PPIE: variants seen among roughly 807,000 people sequenced by gnomAD.
PPIE encodes the protein peptidylprolyl isomerase E, also known as peptidyl-prolyl cis-trans isomerase E.
A neutral mutation model predicts 38.4 loss-of-function variants in PPIE; 20 were observed. The ratio of observed to expected loss-of-function variants is 0.52; its 90% CI spans 0.37 to 0.76. The LOEUF is 0.76. PPIE is among the 30% of genes least tolerant of loss of function. PPIE has a pLI of 0.00. For synonymous variants in PPIE, 142 were observed against 135.7 expected (o/e 1.05, Z -0.32); for missense variants, 322 against 385.8 (o/e 0.83, Z 1.39).
intron 3 of PPIE, 182 bp from the exon 4 acceptor site, chr1:39,741,713 A>G (rs560118851): frequency 9.9e-5 from 66 of 669,854 alleles, no homozygotes; most frequent in South Asian, 9.2e-4. Context: ...CTAGATGGCA[A>G]ATTGTTGCAC....
At chr1:39,751,318 C>T (rs1251389298) in intron 8 of PPIE, among the ~76,000 whole-genome samples, 1 of 152,200 alleles carries the variant, frequency 6.6e-6, no homozygotes, top group Admixed American at 6.5e-5. Context: ...ACATTTTTTA[C>T]CTATACCAAT....
rs774886875 is a variant in PPIE at position 39,738,918 on chromosome 1, C to G, written c.18C>G (p.Arg6=). 4 of 1,500,054 alleles carry G rather than the reference C, an allele frequency of 2.7e-6. No individual in the cohort carries two copies. The highest frequency in any genetic ancestry group is 2.7e-6 in the Non-Finnish European group (3 of 1,125,982). 92.9% of individuals were successfully genotyped at this position (1,500,054 alleles called of 1,614,324 possible). Residue 6 remains arginine (R), a synonymous_variant, in exon 1 of 10, where the codon CGC becomes CGG. Coordinates refer to ENST00000324379, the MANE Select transcript of PPIE (RefSeq NM_006112.4). The part of the protein sequence containing the change: MATTK[R]VLYVGGLAEE... ...CGAGCAAGATGGCCACCACCAAGCG[C>G]GTCTTGTACGTGGGTGAGCAGGAGG...
In PPIE at chr1:39,754,807, A is replaced by G. The variant is rs993183339; in HGVS notation, c.*1452A>G. On this transcript the variant is annotated 3_prime_UTR_variant, in exon 10 of 10. Transcript: ENST00000324379. ...TGGGAGGTTGAGGCTGCAGTCAGCC[A>G]TGGTCATGCCACTGTACTCCAGCCT... Among the ~76,000 whole-genome samples the G allele has an allele frequency of 2.0e-5, 3 of 152,212 alleles. No individual in the cohort carries two copies. Among genetic ancestry groups the G allele is most frequent in the Non-Finnish European group, 2.9e-5 (2 of 68,038 alleles).
intron 1 of PPIE, 199 bp from the exon 2 acceptor site, chr1:39,739,966 A>G (rs1463897651): frequency 9.3e-6 from 5 of 535,324 alleles, no homozygotes. Flanking sequence ...TCCCAGGACT[A>G]GATGAGAGTC....
At chr1:39,752,291 G>A (rs879574434) in intron 8 of PPIE, among the ~76,000 whole-genome samples, 11 of 152,118 alleles carry the variant, frequency 7.2e-5, no homozygotes, top group Non-Finnish European at 1.6e-4. Flanking sequence ...CCTGCCTGTT[G>A]TCTTCACTGG....
chr1:39,753,023 G>C lies in PPIE; in HGVS notation c.808G>C (p.Glu270Gln). Residue 270 changes from glutamate (E) to glutamine (Q), a missense_variant, in exon 9 of 10, where the codon GAA becomes CAA. By Grantham distance (29) the Glu-to-Gln change is conservative (BLOSUM62 2). Transcript: ENST00000324379. ...GCATGTGGTGTTTGGAGAGGTCACC[G>C]AAGGCCTAGATGTCTTGCGGCAAAT... ...GKHVVFGEVT[E>Q]GLDVLRQIEA... 6.2e-7 allele frequency: 1 copy of C among 1,614,224 alleles called. No individual in the cohort carries two copies. Among genetic ancestry groups the C allele is most frequent in the Non-Finnish European group, 8.5e-7 (1 of 1,180,040 alleles).
At chr1:39,744,286 G>A (rs1557445594) in intron 6 of PPIE, among the ~76,000 whole-genome samples, 1 of 152,150 alleles carries the variant, frequency 6.6e-6, no homozygotes, top group Non-Finnish European at 1.5e-5. Context: ...CACAAGGGTC[G>A]TGGTCTTCCT....
downstream of PPIE, chr1:39,760,249 A>G: frequency 8.9e-7 from 1 of 1,128,546 alleles, no homozygotes; most frequent in Non-Finnish European, 1.2e-6. Flanking sequence ...CTGGCAGGGC[A>G]AGGGGAGCAT....
rs1648130439 is a variant in PPIE, at chr1:39,755,142, AG to A, written c.*1788del. ...ATGCTGGTCAGCCAGGCGGTTATAA[AG>A]AATCTCATCTGCTGAAGGCTTTTAG... On this transcript the variant is annotated 3_prime_UTR_variant, in exon 10 of 10. Coordinates refer to ENST00000324379, the MANE Select transcript of PPIE (RefSeq NM_006112.4). 1 of 985,330 alleles carries A rather than the reference AG, an allele frequency of 1.0e-6. No homozygotes were observed. Among genetic ancestry groups the A allele is most frequent in the African/African-American group, 1.7e-5 (1 of 57,238 alleles). The allele number at this position is 985,330 out of a possible 1,614,324, so 61.0% of individuals were successfully genotyped here.
At chr1:39,747,188 G>A (rs1378192927) in intron 7 of PPIE, 1 of 152,126 alleles carries the variant, frequency 6.6e-6, no homozygotes, top group Admixed American at 6.5e-5. Flanking sequence ...TAAATATCTT[G>A]TTCATTCATT....
chr1:39,746,687 C>G lies in PPIE; in HGVS notation c.508+1189C>G, dbSNP rs1647216339. On this transcript the variant is annotated intron_variant, in intron 7 of 9. Transcript: ENST00000324379. ...TCCAGGATTACCTGCACCCTTTCCT[C>G]TGAGCTTTTGGAGTGCAAATTGAGT... is the stretch of plus-strand genomic sequence containing the variant. 3 of 152,220 alleles carry G rather than the reference C, an allele frequency of 2.0e-5. 1 individual carries two copies. The South Asian group carries it at 6.2e-4, about 32-fold the overall frequency. The allele number at this position is 152,220 out of a possible 1,614,324, so 9.4% of individuals were successfully genotyped here. A position where few individuals can be genotyped will look rare whatever the true frequency, so the allele number is the denominator to read the frequency against.
chr1:39,745,533 CTGGTG>C, intron 7 of PPIE, 35 bp downstream of exon 7: 1 of 1,613,668 alleles, frequency 6.2e-7, no homozygotes, highest in Non-Finnish European at 8.5e-7. Flanking sequence ...CGGCGGGACG[CTGGTG>C]GCTGAGCAGT....
rs755067981 is a variant in PPIE at position 39,763,723 on chromosome 1, G to C, written c.872G>C (p.Arg291Thr). The C allele has an allele frequency of 2.9e-5, 46 of 1,601,182 alleles. No homozygotes were observed. The South Asian group carries it at 5.1e-4, about 18-fold the overall frequency. Reference sequence around the variant, plus strand: ...GAGTCAGCAATTACCAGCCAGCCGAGGTCCTGGAAGCTGACGTAGAGCTCG... The same window carrying C: ...GAGTCAGCAATTACCAGCCAGCCGACGTCCTGGAAGCTGACGTAGAGCTCG... Residue 291 changes from arginine (R) to threonine (T), a missense_variant, in exon 10 of 10, where the codon AGG becomes ACG. By Grantham distance (71) the Arg-to-Thr change is moderately conservative. Coordinates refer to the PPIE transcript ENST00000356511.
chr1:39,747,903 A>G (rs1647304207), intron 7 of PPIE: 1 of 151,982 alleles, frequency 6.6e-6, no homozygotes, highest in African/African-American at 2.4e-5. Context: ...CATCTTTTCA[A>G]ATCTTTGGCT....
At position 39,756,533 on chromosome 1, in the gene PPIE, G is replaced by T. The variant is rs949621615; in HGVS notation, c.*3178G>T. ...CCAGGTGCTCCCAGCATCTGTTGCA[G>T]TCATGGCAGCCTCACGGCAACCTCT... On this transcript the variant is annotated 3_prime_UTR_variant, in exon 10 of 10. Coordinates refer to ENST00000324379, the MANE Select transcript of PPIE (RefSeq NM_006112.4). The T allele has an allele frequency of 1.0e-6, 1 of 985,294 alleles. No individual in the cohort carries two copies. The highest frequency in any genetic ancestry group is 1.7e-5 in the African/African-American group (1 of 57,230). The allele number at this position is 985,294 out of a possible 1,614,324, so 61.0% of individuals were successfully genotyped here. A position where few individuals can be genotyped will look rare whatever the true frequency, so the allele number is the denominator to read the frequency against.
At chr1:39,750,340 C>T (rs539321147) in intron 8 of PPIE, among the ~76,000 whole-genome samples, 44 of 152,302 alleles carry the variant, frequency 2.9e-4, no homozygotes, top group Non-Finnish European at 5.4e-4. Flanking sequence ...GCCAAAAATA[C>T]GAGTAGCCAG....
At position 39,748,937 on chromosome 1, in the gene PPIE, CT is replaced by C. The variant is rs1484734645; in HGVS notation, c.546del (p.Phe182LeufsTer69). On this transcript the variant is annotated frameshift_variant, in exon 8 of 10. Transcript: ENST00000324379. LOFTEE classifies it high-confidence loss of function. ...GCTGCCTGTGCACTCATGAAAAGGG[CT>C]TTGGCTTTAAGGGAAGCAGCTTCCA... ...FRCLCTHEKG[F>X]GFKGSSFHRI... 6.2e-7 allele frequency: 1 copy of C among 1,614,100 alleles called. No individual in the cohort carries two copies. The highest frequency in any genetic ancestry group is 1.7e-5 in the Admixed American group (1 of 60,014).
chr1:39,753,053 G>A lies in PPIE; in HGVS notation c.837+1G>A, dbSNP rs376369820. ...CCTAGATGTCTTGCGGCAAATTGAG[G>A]TATGTGGCCAGGAATGGGCCTCCTC... On this transcript the variant is annotated splice_donor_variant, in intron 9 of 9. Coordinates refer to ENST00000324379, the MANE Select transcript of PPIE (RefSeq NM_006112.4). LOFTEE classifies it high-confidence loss of function. 1 of 1,614,146 alleles carries A rather than the reference G, an allele frequency of 6.2e-7. No homozygotes were observed. The highest frequency in any genetic ancestry group is 8.5e-7 in the Non-Finnish European group (1 of 1,180,024).
At chr1:39,743,733 C>T in intron 5 of PPIE, 91 bp from the exon 6 acceptor site, 1 of 996,210 alleles carries the variant, frequency 1.0e-6, no homozygotes, top group Non-Finnish European at 1.5e-6. Flanking sequence ...ATACAGGCCA[C>T]ATAGCATCTT....
Sources: gnomAD v4.1 joint callset for allele counts (sites outside exome capture counted in the v4.1 genomes callset) on GRCh38, gnomAD v4.1.1 for gene constraint, MANE v1.5 for transcripts, NCBI Gene and HGNC (gene_info 2026-07-23, HGNC 2026-07-21) for gene names.